The following RBM47 variants were observed in gnomAD, a reference collection of about 807,000 sequenced individuals.
RBM47 encodes RNA binding motif protein 47, also known as RNA-binding protein 47.
RBM47 carries 21 observed loss-of-function variants against 47.1 expected under a neutral mutation model. The ratio of observed to expected loss-of-function variants is 0.45; its 90% CI spans 0.32 to 0.64. The LOEUF (loss-of-function observed/expected upper bound fraction) is 0.64, where lower values mean the gene tolerates loss of function less well. RBM47 is among the 30% of genes least tolerant of loss of function. The pLI, the probability that RBM47 is intolerant of heterozygous loss-of-function variation, is 0.05. For synonymous variants in RBM47, 375 were observed against 361.7 expected (o/e 1.04, Z -0.42); for missense variants, 708 against 870.9 (o/e 0.81, Z 2.35).
At chr4:40,458,697 T>C (rs1029547766) in intron 3 of RBM47, among the ~76,000 whole-genome samples, 1 of 152,214 alleles carries the variant, frequency 6.6e-6, no homozygotes, top group East Asian at 1.9e-4. Context: ...ATATGTGTTC[T>C]TTTTATTCAT....
chr4:40,511,722 G>A (rs541333707), intron 2 of RBM47, among the ~76,000 whole-genome samples: 4 of 152,136 alleles, frequency 2.6e-5, no homozygotes, highest in Non-Finnish European at 4.4e-5. Context: ...TCGGGAGGCC[G>A]AGGTGGGCAG....
intron 1 of RBM47, among the ~76,000 whole-genome samples, chr4:40,578,693 C>A (rs1280202476): frequency 2.6e-5 from 4 of 152,172 alleles, no homozygotes; most frequent in African/African-American, 9.7e-5. Context: ...TTACCTAGGA[C>A]AAGAGATATG....
intron 3 of RBM47, among the ~76,000 whole-genome samples, chr4:40,451,849 G>A (rs1382093956): frequency 6.6e-6 from 1 of 152,178 alleles, no homozygotes; most frequent in Non-Finnish European, 1.5e-5. Flanking sequence ...GTTCCTTGGA[G>A]TTCACAGTCT....
chr4:40,459,937 G>A (rs534582865), intron 3 of RBM47, among the ~76,000 whole-genome samples: 1 of 152,248 alleles, frequency 6.6e-6, no homozygotes, highest in African/African-American at 2.4e-5. Flanking sequence ...TGTATTTTTA[G>A]TAGAGACGGG....
intron 1 of RBM47, among the ~76,000 whole-genome samples, chr4:40,626,422 A>G (rs748089252): frequency 2.0e-5 from 3 of 152,206 alleles, no homozygotes; most frequent in Non-Finnish European, 4.4e-5. Context: ...TTACAAAAGG[A>G]GAGGAGGAGC....
rs563454906 is a variant in RBM47, at chr4:40,541,132, T to G, written c.-155+3290A>C. On this transcript the variant is annotated intron_variant, in intron 2 of 6. Coordinates refer to ENST00000295971, the MANE Select transcript of RBM47 (RefSeq NM_001098634.2). ...GGCGAGACCTCATCTCTATAAAAAATTAAAAATTAGCTGGGCCCAGCTACT... is the reference window on the plus strand; with the variant it reads ...GGCGAGACCTCATCTCTATAAAAAAGTAAAAATTAGCTGGGCCCAGCTACT... Among the ~76,000 whole-genome samples, 1,087 of 149,660 alleles carry G rather than the reference T, an allele frequency of 7.3e-3. 8 individuals carry two copies. Among genetic ancestry groups the G allele is most frequent in the African/African-American group, 0.026 (1,034 of 40,386 alleles).
chr4:40,436,150 C>T lies in RBM47; in HGVS notation c.1330+291G>A, dbSNP rs965265358. Among the ~76,000 whole-genome samples, 17 of 146,316 alleles carry T rather than the reference C, an allele frequency of 1.2e-4. No homozygotes were observed. In the South Asian group the frequency reaches 2.0e-3, roughly 17 times the overall value. On this transcript the variant is annotated intron_variant, in intron 5 of 6. Coordinates refer to ENST00000295971, the MANE Select transcript of RBM47 (RefSeq NM_001098634.2). The stretch of plus-strand genomic sequence containing the variant: ...TCATGCCACTGCACTCCAGCCTGGG[C>T]GACAGAGCGAGACTCTGTCTCAAAA...
intron 1 of RBM47, among the ~76,000 whole-genome samples, chr4:40,549,606 T>C (rs757636620): frequency 4.1e-5 from 6 of 147,186 alleles, no homozygotes; most frequent in Non-Finnish European, 9.0e-5. Flanking sequence ...CACTGCAACC[T>C]ACGCCTCCCG....
chr4:40,494,395 A>G (rs566155945), intron 2 of RBM47, among the ~76,000 whole-genome samples: 46 of 152,338 alleles, frequency 3.0e-4, no homozygotes, highest in Non-Finnish European at 1.2e-4. Flanking sequence ...AAGAAATGAT[A>G]AAGTTTGTCA....
chr4:40,577,173 GT>G, intron 1 of RBM47, among the ~76,000 whole-genome samples: 1 of 152,128 alleles, frequency 6.6e-6, no homozygotes, highest in East Asian at 1.9e-4. Context: ...TTCCTTATAG[GT>G]TTGCTTCCTC....
chr4:40,457,867 A>C (rs1160129523), intron 3 of RBM47, among the ~76,000 whole-genome samples: 1 of 152,226 alleles, frequency 6.6e-6, no homozygotes, highest in African/African-American at 2.4e-5. Flanking sequence ...CTGTCCTAGC[A>C]CTTTGGGAAG....
At chr4:40,540,993 C>CT (rs1374207433) in intron 2 of RBM47, among the ~76,000 whole-genome samples, 1 of 151,678 alleles carries the variant, frequency 6.6e-6, no homozygotes, top group Non-Finnish European at 1.5e-5. Context: ...ATGACCTGGA[C>CT]TTTTTTTGAA....
intron 2 of RBM47, among the ~76,000 whole-genome samples, chr4:40,476,404 A>G (rs950480623): frequency 2.6e-5 from 4 of 152,048 alleles, no homozygotes; most frequent in Non-Finnish European, 4.4e-5. Context: ...GAAAAAAAAT[A>G]GGAAAAAATT....
intron 1 of RBM47, among the ~76,000 whole-genome samples, chr4:40,605,853 C>T (rs777590344): frequency 1.3e-5 from 2 of 151,042 alleles, no homozygotes; most frequent in East Asian, 2.0e-4. Flanking sequence ...AAGAAAAATA[C>T]GGGTTTTCCA....
At chr4:40,553,800 CTT>C (rs1220845753) in intron 1 of RBM47, among the ~76,000 whole-genome samples, 2 of 152,124 alleles carry the variant, frequency 1.3e-5, no homozygotes, top group African/African-American at 4.8e-5. Flanking sequence ...TGTTCCAAGA[CTT>C]TTACTATCAA....
intron 1 of RBM47, among the ~76,000 whole-genome samples, chr4:40,557,815 T>C (rs1730246638): frequency 6.6e-6 from 1 of 152,206 alleles, no homozygotes; most frequent in Non-Finnish European, 1.5e-5. Context: ...AATCAGAGGT[T>C]CCTCAGCAGA....
chr4:40,465,709 C>G (rs1178342176), intron 3 of RBM47, among the ~76,000 whole-genome samples: 3 of 151,902 alleles, frequency 2.0e-5, no homozygotes, highest in African/African-American at 7.2e-5. Context: ...TCTTGGCTCA[C>G]TGCAACCTCT....
intron 2 of RBM47, among the ~76,000 whole-genome samples, chr4:40,535,190 T>C (rs1368504578): frequency 1.3e-5 from 2 of 152,062 alleles, no homozygotes; most frequent in East Asian, 3.8e-4. Context: ...CCTCAGTAAA[T>C]GTAAATCATC....
chr4:40,473,622 T>C (rs987022688), intron 2 of RBM47, among the ~76,000 whole-genome samples: 1 of 152,210 alleles, frequency 6.6e-6, no homozygotes, highest in Non-Finnish European at 1.5e-5. Context: ...GGGTGACGAA[T>C]AGAGAATATC....
Sources: allele counts gnomAD v4.1 joint callset (sites outside exome capture counted in the v4.1 genomes callset), GRCh38; gene constraint gnomAD v4.1.1; transcripts MANE v1.5; gene names NCBI Gene and HGNC (gene_info 2026-07-23, HGNC 2026-07-21).